The following CACNA2D3 variants were observed in gnomAD, a reference collection of about 807,000 sequenced individuals.
CACNA2D3 encodes the protein voltage-dependent calcium channel subunit alpha-2/delta-3.
In CACNA2D3, 60 loss-of-function variants were observed where a neutral mutation model predicts 160.6. The ratio of observed to expected loss-of-function variants is 0.37; its 90% CI spans 0.30 to 0.46. The LOEUF (loss-of-function observed/expected upper bound fraction) is 0.46, where lower values mean the gene tolerates loss of function less well. Among genes scored for constraint, CACNA2D3 ranks in the 20% least tolerant of loss-of-function variants. The pLI is 1.00. For synonymous variants in CACNA2D3, 558 were observed against 492.9 expected (o/e 1.13, Z -1.75); for missense variants, 1,205 against 1,365.0 (o/e 0.88, Z 1.85).
At chr3:54,934,239 A>G (rs1701274520) in intron 27 of CACNA2D3, among the ~76,000 whole-genome samples, 1 of 152,176 alleles carries the variant, frequency 6.6e-6, no homozygotes, top group South Asian at 2.1e-4. Context: ...CCCTAAGGTC[A>G]TTTTTTACAC....
intron 4 of CACNA2D3, among the ~76,000 whole-genome samples, chr3:54,468,440 C>T (rs943898605): frequency 6.6e-6 from 1 of 152,192 alleles, no homozygotes; most frequent in African/African-American, 2.4e-5. Context: ...GACCTGCAGA[C>T]CAGGAGATTC....
chr3:54,569,518 G>T (rs1387139443), intron 6 of CACNA2D3, among the ~76,000 whole-genome samples: 1 of 152,174 alleles, frequency 6.6e-6, no homozygotes, highest in Non-Finnish European at 1.5e-5. Flanking sequence ...GAAGGAGCTG[G>T]AGTCACATAC....
At chr3:54,391,432 A>G (rs981105059) in intron 4 of CACNA2D3, among the ~76,000 whole-genome samples, 24 of 152,310 alleles carry the variant, frequency 1.6e-4, no homozygotes, top group Admixed American at 2.6e-4. Flanking sequence ...TGTGTGAACA[A>G]ACCAAAATGC....
chr3:54,350,871 T>C (rs1012311336), intron 3 of CACNA2D3, among the ~76,000 whole-genome samples: 2 of 152,176 alleles, frequency 1.3e-5, no homozygotes, highest in South Asian at 2.1e-4. Context: ...TTAACATCCA[T>C]GTGTGTGTGA....
intron 31 of CACNA2D3, among the ~76,000 whole-genome samples, chr3:54,992,787 A>AG (rs1001466377): frequency 6.6e-6 from 1 of 151,748 alleles, no homozygotes; most frequent in Admixed American, 6.6e-5. Context: ...CAAGAAAAAA[A>AG]AAAAAAAGAA....
chr3:54,416,012 C>CA lies in CACNA2D3; in HGVS notation c.381+29245dup, dbSNP rs201353440. Among the ~76,000 whole-genome samples the CA allele has an allele frequency of 4.6e-5, 7 of 151,968 alleles. No individual in the cohort carries two copies. In the East Asian group the frequency reaches 5.8e-4, roughly 13 times the overall value. Reference sequence around the variant, plus strand: ...TTCTGACCCAGAAATGCGTGAAACCCAAAAAAACCCCTCTAAATTAGATAT... The same window carrying CA: ...TTCTGACCCAGAAATGCGTGAAACCCAAAAAAAACCCCTCTAAATTAGATAT... On this transcript the variant is annotated intron_variant, in intron 4 of 37. Coordinates refer to ENST00000474759, the MANE Select transcript of CACNA2D3 (RefSeq NM_018398.3).
intron 27 of CACNA2D3, among the ~76,000 whole-genome samples, chr3:54,942,282 G>T (rs1310245884): frequency 6.6e-6 from 1 of 152,190 alleles, no homozygotes; most frequent in African/African-American, 2.4e-5. Flanking sequence ...TGAACAGGCA[G>T]TCAGTCAAAG....
At chr3:54,976,785 CAGCTCTGTT>C (rs1702400839) in intron 29 of CACNA2D3, among the ~76,000 whole-genome samples, 1 of 152,202 alleles carries the variant, frequency 6.6e-6, no homozygotes, top group South Asian at 2.1e-4. Context: ...CCAGAGCTCT[CAGCTCTGTT>C]CCTTCCACAC....
chr3:54,381,543 C>T lies in CACNA2D3; in HGVS notation c.322-5172C>T, dbSNP rs190295370. ...TTTTCTGATCCAATTTTTACTTAGACGTGGTGTCCGGTTTTCCGCTTCTGG... is the reference window on the plus strand; with the variant it reads ...TTTTCTGATCCAATTTTTACTTAGATGTGGTGTCCGGTTTTCCGCTTCTGG... On this transcript the variant is annotated intron_variant, in intron 3 of 37. Transcript: ENST00000474759. 2.4e-4 allele frequency among the ~76,000 whole-genome samples: 36 copies of T among 152,294 alleles called. No homozygotes were observed. The East Asian group carries it at 2.7e-3, about 11-fold the overall frequency.
At chr3:54,833,155 T>C (rs1187263495) in intron 14 of CACNA2D3, among the ~76,000 whole-genome samples, 2 of 152,238 alleles carry the variant, frequency 1.3e-5, no homozygotes, top group Non-Finnish European at 1.5e-5. Flanking sequence ...TTCAGTATTA[T>C]TATTCATCAT....
chr3:54,522,933 T>TTTACTTAC (rs61291743), intron 5 of CACNA2D3, among the ~76,000 whole-genome samples: 5,854 of 135,294 alleles, frequency 0.043, 155 homozygotes, highest in African/African-American at 0.056. Context: ...TATTTATTTA[T>TTTACTTAC]TTACTTACTT....
At chr3:54,460,743 T>C (rs1700488083) in intron 4 of CACNA2D3, among the ~76,000 whole-genome samples, 1 of 152,188 alleles carries the variant, frequency 6.6e-6, no homozygotes, top group African/African-American at 2.4e-5. Context: ...TGACTTCCTG[T>C]TTTCCTAATT....
chr3:54,601,397 G>A (rs773958449), intron 9 of CACNA2D3, among the ~76,000 whole-genome samples: 10 of 152,006 alleles, frequency 6.6e-5, no homozygotes, highest in Admixed American at 1.3e-4. Flanking sequence ...TTATAGAAAC[G>A]GGGTCCTGCT....
intron 5 of CACNA2D3, among the ~76,000 whole-genome samples, chr3:54,512,602 T>C (rs1230011200): frequency 6.6e-6 from 1 of 152,088 alleles, no homozygotes; most frequent in Non-Finnish European, 1.5e-5. Flanking sequence ...AATGTGGAGG[T>C]AGAGTTGCTG....
chr3:54,552,253 C>G (rs927973621), intron 5 of CACNA2D3, among the ~76,000 whole-genome samples: 2 of 152,150 alleles, frequency 1.3e-5, no homozygotes, highest in Non-Finnish European at 1.5e-5. Context: ...CCATCCTGCC[C>G]TCTTTAATGT....
chr3:54,932,929 G>A (rs1248626678), intron 27 of CACNA2D3, among the ~76,000 whole-genome samples: 2 of 152,188 alleles, frequency 1.3e-5, no homozygotes, highest in African/African-American at 2.4e-5. Context: ...TGACATTGGA[G>A]GCATGTGGAT....
chr3:54,422,859 C>T (rs1367346149), intron 4 of CACNA2D3, among the ~76,000 whole-genome samples: 3 of 152,242 alleles, frequency 2.0e-5, no homozygotes, highest in Admixed American at 1.3e-4. Context: ...CACCAGAATG[C>T]GGTGTTGTTT....
intron 3 of CACNA2D3, among the ~76,000 whole-genome samples, chr3:54,376,091 C>T (rs556708566): frequency 6.6e-6 from 1 of 152,230 alleles, no homozygotes. Context: ...GGTCTTATGG[C>T]CCATGAGACC....
intron 3 of CACNA2D3, among the ~76,000 whole-genome samples, chr3:54,350,419 G>C (rs1698532163): frequency 6.6e-6 from 1 of 152,080 alleles, no homozygotes; most frequent in African/African-American, 2.4e-5. Context: ...AAGTGAAGAA[G>C]ACAGATATGG....
Sources: gnomAD v4.1 joint callset for allele counts (sites outside exome capture counted in the v4.1 genomes callset) on GRCh38, gnomAD v4.1.1 for gene constraint, MANE v1.5 for transcripts, NCBI Gene and HGNC (gene_info 2026-07-23, HGNC 2026-07-21) for gene names.